TRERF1: variants seen among roughly 807,000 people sequenced by gnomAD.
The protein encoded by TRERF1 is transcriptional regulating factor 1.
A neutral mutation model predicts 122.9 loss-of-function variants in TRERF1; 27 were observed. The ratio of observed to expected loss-of-function variants is 0.22; its 90% CI spans 0.16 to 0.30. TRERF1 has a LOEUF of 0.30. TRERF1 is among the 10% of genes least tolerant of loss of function. The probability of loss-of-function intolerance (pLI) is 1.00; values close to 1 mark genes in which losing one functional copy is unlikely to be tolerated. For missense variants in TRERF1, 1,248 were observed against 1,560.3 expected (o/e 0.80, Z 3.37); for synonymous variants, 636 against 641.7 (o/e 0.99, Z 0.13).
chr6:42,370,731 C>G (rs1773608682), intron 2 of TRERF1, among the ~76,000 whole-genome samples: 1 of 152,296 alleles, frequency 6.6e-6, no homozygotes, highest in South Asian at 2.1e-4. Context: ...GGCATTGACC[C>G]CAAGTCAACC....
At chr6:42,386,041 T>C (rs7757995) in intron 2 of TRERF1, among the ~76,000 whole-genome samples, 17,119 of 152,110 alleles carry the variant, frequency 0.11, 1,673 homozygotes, top group African/African-American at 0.26. Flanking sequence ...GATTCATTAA[T>C]CTCTGTTTTG....
chr6:42,300,359 T>A (rs1785953835), intron 4 of TRERF1, among the ~76,000 whole-genome samples: 1 of 151,674 alleles, frequency 6.6e-6, no homozygotes, highest in Middle Eastern at 3.2e-3. Flanking sequence ...CCCCATCCTG[T>A]AAGACCTGTC....
chr6:42,336,347 C>G (rs1206361868), intron 3 of TRERF1, among the ~76,000 whole-genome samples: 4 of 152,166 alleles, frequency 2.6e-5, no homozygotes, highest in Non-Finnish European at 5.9e-5. Flanking sequence ...CCATCCCCGA[C>G]CATCATGCCT....
At chr6:42,422,504 C>A (rs367940050) in intron 2 of TRERF1, among the ~76,000 whole-genome samples, 35 of 120,672 alleles carry the variant, frequency 2.9e-4, no homozygotes, top group African/African-American at 8.8e-4. Flanking sequence ...ACCCTGTCTC[C>A]AAAAAAAAAA....
intron 2 of TRERF1, among the ~76,000 whole-genome samples, chr6:42,443,598 C>A (rs998209576): frequency 6.6e-6 from 1 of 152,176 alleles, no homozygotes; most frequent in African/African-American, 2.4e-5. Context: ...CTTTGTGGAG[C>A]AAACCAAGTT....
At chr6:42,340,149 TCTTACCTGTAC>T (rs1280923634) in intron 3 of TRERF1, among the ~76,000 whole-genome samples, 2 of 152,156 alleles carry the variant, frequency 1.3e-5, no homozygotes, top group African/African-American at 4.8e-5. Flanking sequence ...AACAACCATT[TCTTACCTGTAC>T]CTGCTACAGA....
intron 2 of TRERF1, among the ~76,000 whole-genome samples, chr6:42,376,073 G>A (rs1196511641): frequency 1.3e-5 from 2 of 152,078 alleles, no homozygotes; most frequent in African/African-American, 2.4e-5. Context: ...ATGTTTCTCG[G>A]CCTACCACTC....
intron 3 of TRERF1, among the ~76,000 whole-genome samples, chr6:42,351,593 C>T (rs757900353): frequency 6.6e-6 from 1 of 152,210 alleles, no homozygotes; most frequent in Non-Finnish European, 1.5e-5. Context: ...TATCTTCTGG[C>T]AGATTCAGCT....
intron 15 of TRERF1, 69 bp downstream of exon 15, chr6:42,243,179 C>T: frequency 7.5e-7 from 1 of 1,330,278 alleles, no homozygotes; most frequent in African/African-American, 1.5e-5. Context: ...CAAACACCAG[C>T]TACTTACTAA....
chr6:42,317,766 T>C (rs1167011581), intron 3 of TRERF1, among the ~76,000 whole-genome samples: 1 of 150,210 alleles, frequency 6.7e-6, no homozygotes, highest in Non-Finnish European at 1.5e-5. Flanking sequence ...TGAGAATTAT[T>C]TTTTTTTTTG....
chr6:42,451,998 G>A (rs888391699), intron 1 of TRERF1, 72 bp from the exon 1 acceptor site: 50 of 152,498 alleles, frequency 3.3e-4, no homozygotes, highest in Non-Finnish European at 4.5e-4. Flanking sequence ...ACTCGGGGCC[G>A]AGCCGCGGTA....
chr6:42,264,716 G>C, exon 7 of TRERF1: 1 of 1,614,030 alleles, frequency 6.2e-7, no homozygotes, highest in African/African-American at 1.3e-5. Context: ...GTTTGAGGTT[G>C]GGGGAGGCCC....
chr6:42,325,504 T>C (rs1259094184), intron 3 of TRERF1, among the ~76,000 whole-genome samples: 1 of 152,154 alleles, frequency 6.6e-6, no homozygotes, highest in Non-Finnish European at 1.5e-5. Flanking sequence ...TGGAATCAAC[T>C]AGATGCCCAT....
rs1346144256 is a variant in TRERF1 at position 42,232,780 on chromosome 6, G to A, written c.3179C>T (p.Thr1060Ile). 1 of 1,613,380 alleles carries A rather than the reference G, an allele frequency of 6.2e-7. No homozygotes were observed. Among genetic ancestry groups the A allele is most frequent in the Non-Finnish European group, 8.5e-7 (1 of 1,179,562 alleles). ...CTTTACCGAACAGTACCCACTCTGG[G>A]TGCCACCAGGCTTCTGCTTCCCAGA... The change falls in exon 17 of 18, where the codon ACC (threonine) becomes ATC (isoleucine). Residue 1060 changes from threonine (T) to isoleucine (I), a missense_variant. Thr to Ile is a moderately conservative substitution (Grantham distance 89). Coordinates refer to ENST00000372922, the Ensembl canonical transcript of TRERF1. The surrounding 1 kb of genome is among the most constrained non-coding windows in gnomAD (Gnocchi z 4.5).
chr6:42,429,154 T>C (rs904430568), intron 2 of TRERF1, among the ~76,000 whole-genome samples: 6 of 152,216 alleles, frequency 3.9e-5, no homozygotes, highest in Non-Finnish European at 7.3e-5. Flanking sequence ...TCCTAATTTC[T>C]CTAGTGACAG....
chr6:42,283,725 T>C (rs1351927139), intron 4 of TRERF1, among the ~76,000 whole-genome samples: 1 of 150,604 alleles, frequency 6.6e-6, no homozygotes, highest in Non-Finnish European at 1.5e-5. Context: ...CAAGTGAGTC[T>C]CCTGCCTCAG....
rs1777435018 is a variant in TRERF1 at position 42,259,581 on chromosome 6, G to A, written c.2027C>T (p.Ser676Phe). The A allele has an allele frequency of 6.2e-7, 1 of 1,613,898 alleles. No individual in the cohort carries two copies. Among genetic ancestry groups the A allele is most frequent in the Non-Finnish European group, 8.5e-7 (1 of 1,179,912 alleles). Residue 676 changes from serine to phenylalanine, a missense_variant, in exon 9 of 18, where the codon TCC (serine) becomes TTC (phenylalanine). This residue lies in a region of TRERF1 where 946 missense variants were observed against 1,073.0 expected (regional missense o/e 0.88). Transcript: ENST00000372922. This position sits in a 1 kb window ranked among gnomAD's most constrained non-coding sequence, Gnocchi z 4.9. ...CTGGTACAGGGTGGCGCCCGAGTAG[G>A]AGGCAGCGGGGTTCGGGTTGTAGGA...
At position 42,259,442 on chromosome 6, in the gene TRERF1, C is replaced by T. The variant is rs774969732; in HGVS notation, c.2166G>A (p.Gly722=). The change falls in exon 9 of 18, where the codon GGG becomes GGA. Residue 722 remains glycine, a synonymous_variant. Transcript: ENST00000372922. The surrounding 1 kb of genome is among the most constrained non-coding windows in gnomAD (Gnocchi z 4.9). ...CGGAGATGAGGACATTGCTGAAGAG[C>T]CCCGAGCCCTGGCGCACCGGGCTCA... The T allele has an allele frequency of 8.8e-6, 14 of 1,597,156 alleles. No individual in the cohort carries two copies. The highest frequency in any genetic ancestry group is 2.0e-4 in the Middle Eastern group (1 of 5,096).
Position 42,299,116 on chromosome 6 carries a change from C to CTGTCTGTCTGTATCTATCTATCTATCTA in TRERF1, c.-259+1521_-259+1522insTAGATAGATAGATAGATACAGACAGACA, listed in dbSNP as rs10627056. 2.0e-3 allele frequency among the ~76,000 whole-genome samples: 277 copies of CTGTCTGTCTGTATCTATCTATCTATCTA among 141,786 alleles called. 5 individuals carry two copies. The highest frequency in any genetic ancestry group is 6.3e-3 in the African/African-American group (235 of 37,484). The allele number at this position is 141,786 out of a possible 152,430, so 93.0% of individuals were successfully genotyped here. On this transcript the variant is annotated intron_variant, in intron 4 of 17. Coordinates refer to ENST00000372922, the Ensembl canonical transcript of TRERF1. The stretch of plus-strand genomic sequence containing the variant: ...TCTATCTGTCTGTCTGTCTGTCTGT[C>CTGTCTGTCTGTATCTATCTATCTATCTA]TCTATCTATCTATCTATCTACATAT...
Sources: allele counts gnomAD v4.1 joint callset (sites outside exome capture counted in the v4.1 genomes callset), GRCh38; gene constraint gnomAD v4.1.1; regional missense constraint gnomAD v4.1.1; non-coding constraint Gnocchi (gnomAD v3.1); transcripts MANE v1.5; gene names NCBI Gene and HGNC (gene_info 2026-07-23, HGNC 2026-07-21).